The following NT5C2 variants were observed in gnomAD, a reference collection of about 807,000 sequenced individuals.
NT5C2 encodes the protein cytosolic purine 5'-nucleotidase.
A neutral mutation model predicts 76.1 loss-of-function variants in NT5C2; 58 were observed. That is an observed-to-expected ratio of 0.76 (90% CI 0.62 to 0.95). The LOEUF is 0.95. Ranked by LOEUF, NT5C2 falls within the 40% of genes least tolerant of loss-of-function variation. The pLI is 0.00. For missense variants in NT5C2, 478 were observed against 690.3 expected, an observed-to-expected ratio of 0.69 and a Z score of 3.45; for synonymous variants, 229 against 237.4, an observed-to-expected ratio of 0.96 and a Z score of 0.32.
intron 4 of NT5C2, among the ~76,000 whole-genome samples, chr10:103,120,588 C>T: frequency 6.6e-6 from 1 of 152,220 alleles, no homozygotes; most frequent in East Asian, 1.9e-4. Context: ...ACCGTAACTT[C>T]ACACCCAGTA....
chr10:103,154,286 A>C (rs752912791), intron 3 of NT5C2, among the ~76,000 whole-genome samples: 29 of 152,170 alleles, frequency 1.9e-4, no homozygotes, highest in Admixed American at 5.9e-4. Flanking sequence ...TAAAAGCTTT[A>C]TCCCTTTAAA....
chr10:103,118,957 C>T (rs1186476921), intron 4 of NT5C2, among the ~76,000 whole-genome samples: 1 of 151,974 alleles, frequency 6.6e-6, no homozygotes, highest in Non-Finnish European at 1.5e-5. Flanking sequence ...AAAAAGATCA[C>T]TAAGGGAGAT....
At chr10:103,154,497 G>A (rs114913219) in intron 3 of NT5C2, among the ~76,000 whole-genome samples, 1 of 152,262 alleles carries the variant, frequency 6.6e-6, no homozygotes, top group African/African-American at 2.4e-5. Context: ...ATGGTGTAAT[G>A]GAAAGAGAAT....
intron 3 of NT5C2, among the ~76,000 whole-genome samples, chr10:103,156,812 C>T (rs1426033015): frequency 2.0e-5 from 3 of 151,506 alleles, no homozygotes; most frequent in South Asian, 2.1e-4. Flanking sequence ...AATCCCAGCA[C>T]TTTGGGAGGC....
chr10:103,142,020 CA>C (rs1418361215), intron 3 of NT5C2, among the ~76,000 whole-genome samples: 1 of 152,130 alleles, frequency 6.6e-6, no homozygotes. Context: ...AAAGGCAACG[CA>C]GGCAAAATAA....
chr10:103,184,236 G>A (rs1163238), intron 1 of NT5C2, among the ~76,000 whole-genome samples: 61,920 of 152,024 alleles, frequency 0.41, 13,405 homozygotes, highest in African/African-American at 0.56. Context: ...ATGTGCCACC[G>A]TGCCCAGCCT....
chr10:103,090,267 G>A, intron 18 of NT5C2: 1 of 336,532 alleles, frequency 3.0e-6, no homozygotes, highest in Admixed American at 4.3e-5. Context: ...ACCCAGGCTG[G>A]AGTACAGTGG....
chr10:103,172,216 A>C (rs973947738), intron 3 of NT5C2, among the ~76,000 whole-genome samples: 4 of 151,934 alleles, frequency 2.6e-5, no homozygotes, highest in Admixed American at 2.0e-4. Context: ...AAAAATAAAA[A>C]ACAAAAATTT....
At chr10:103,191,119 G>A (rs1270339135) in intron 1 of NT5C2, among the ~76,000 whole-genome samples, 3 of 152,200 alleles carry the variant, frequency 2.0e-5, no homozygotes, top group Non-Finnish European at 4.4e-5. Flanking sequence ...AGGGTCGGAC[G>A]CAGTGGCTCA....
rs577405166 is a variant in NT5C2, at chr10:103,148,458, G to A, written c.102-8979C>T. 2.4e-4 allele frequency among the ~76,000 whole-genome samples: 36 copies of A among 152,148 alleles called. 1 individual carries two copies. Among genetic ancestry groups the A allele is most frequent in the African/African-American group, 7.9e-4 (33 of 41,526 alleles). ...TCTACTAAAAATAAAAAAATTAGCC[G>A]GGCATGGTGGCAGGTGCCTGCTGTA... On this transcript the variant is annotated intron_variant, in intron 3 of 18. Coordinates refer to ENST00000404739, the MANE Select transcript of NT5C2 (RefSeq NM_001351169.2).
intron 1 of NT5C2, among the ~76,000 whole-genome samples, chr10:103,192,922 C>T (rs1698642114): frequency 1.3e-5 from 2 of 152,124 alleles, no homozygotes; most frequent in Admixed American, 6.5e-5. Context: ...GAGGCGGGGT[C>T]CCAGCGAGCC....
chr10:103,156,202 G>A (rs1370139733), intron 3 of NT5C2, among the ~76,000 whole-genome samples: 1 of 152,080 alleles, frequency 6.6e-6, no homozygotes, highest in African/African-American at 2.4e-5. Flanking sequence ...GCTGAAGGTG[G>A]GGAGACCTAC....
At chr10:103,185,615 C>T (rs1340492567) in intron 1 of NT5C2, among the ~76,000 whole-genome samples, 2 of 146,586 alleles carry the variant, frequency 1.4e-5, no homozygotes, top group Non-Finnish European at 3.0e-5. Context: ...CCACTGCACA[C>T]TCCAGCCTGG....
intron 4 of NT5C2, among the ~76,000 whole-genome samples, chr10:103,129,610 C>A (rs2077592583): frequency 1.9e-5 from 2 of 105,108 alleles, no homozygotes; most frequent in Admixed American, 1.7e-4. Flanking sequence ...GCCGCCCCGT[C>A]CGGGAGGGAG....
intron 1 of NT5C2, among the ~76,000 whole-genome samples, chr10:103,188,085 G>A (rs1013163566): frequency 5.3e-5 from 8 of 152,182 alleles, no homozygotes; most frequent in South Asian, 2.1e-4. Flanking sequence ...GGGCGGACGC[G>A]GTGGCTCACG....
chr10:103,166,496 C>T (rs2086418865), intron 3 of NT5C2, among the ~76,000 whole-genome samples: 1 of 152,192 alleles, frequency 6.6e-6, no homozygotes, highest in African/African-American at 2.4e-5. Flanking sequence ...GAATTCCATA[C>T]ACAGAATTTT....
In NT5C2 at chr10:103,184,550, T is replaced by C. The variant is rs567884443; in HGVS notation, c.-168-3222A>G. 8.5e-5 allele frequency among the ~76,000 whole-genome samples: 13 copies of C among 152,348 alleles called. No individual in the cohort carries two copies. In the East Asian group the frequency reaches 2.5e-3, roughly 29 times the overall value. On this transcript the variant is annotated intron_variant, in intron 1 of 18. Coordinates refer to ENST00000404739, the MANE Select transcript of NT5C2 (RefSeq NM_001351169.2). ...TAAGGGAGAGGAGTGTTTTATTTGC[T>C]GCTGTATCCCCAGCATCTCGCACAG...
intron 1 of NT5C2, among the ~76,000 whole-genome samples, chr10:103,186,143 A>G (rs1396979657): frequency 6.6e-6 from 1 of 152,212 alleles, no homozygotes; most frequent in Non-Finnish European, 1.5e-5. Flanking sequence ...CGGATTCTGG[A>G]GCCACACTGC....
intron 10 of NT5C2, among the ~76,000 whole-genome samples, chr10:103,097,712 G>A (rs1166733848): frequency 6.6e-6 from 1 of 152,164 alleles, no homozygotes; most frequent in Non-Finnish European, 1.5e-5. Flanking sequence ...AGTATGTGAG[G>A]TGTGTTAAAG....
Sources: gnomAD v4.1 joint callset for allele counts (sites outside exome capture counted in the v4.1 genomes callset) on GRCh38, gnomAD v4.1.1 for gene constraint, MANE v1.5 for transcripts, NCBI Gene and HGNC (gene_info 2026-07-23, HGNC 2026-07-21) for gene names.